The following CYP7B1 variants were observed in gnomAD, a reference collection of about 807,000 sequenced individuals.
The protein encoded by CYP7B1 is cytochrome P450 7B1.
Under a neutral mutation model 42.7 loss-of-function variants are expected in CYP7B1, and 29 were observed. The ratio of observed to expected loss-of-function variants is 0.68; its 90% CI spans 0.51 to 0.93. The LOEUF is 0.93. Among genes scored for constraint, CYP7B1 ranks in the 40% least tolerant of loss-of-function variants. The probability of loss-of-function intolerance (pLI) is 0.00; values close to 1 mark genes in which losing one functional copy is unlikely to be tolerated. For missense variants in CYP7B1, 655 were observed against 600.5 expected (o/e 1.09, Z -0.95); for synonymous variants, 235 against 218.2 (o/e 1.08, Z -0.68).
intron 1 of CYP7B1, among the ~76,000 whole-genome samples, chr8:64,712,660 A>G (rs1420296938): frequency 1.3e-5 from 2 of 151,382 alleles, no homozygotes; most frequent in Non-Finnish European, 2.9e-5. Context: ...ATATATATGT[A>G]TATATGCATA....
At chr8:64,629,002 C>T (rs559082634) in intron 1 of CYP7B1, among the ~76,000 whole-genome samples, 95 of 152,092 alleles carry the variant, frequency 6.2e-4, no homozygotes, top group Non-Finnish European at 1.1e-3. Context: ...CTGAGGTGGG[C>T]GGATCATGAC....
chr8:64,655,869 A>AGAGCT (rs1806112971), intron 1 of CYP7B1, among the ~76,000 whole-genome samples: 1 of 152,188 alleles, frequency 6.6e-6, no homozygotes, highest in African/African-American at 2.4e-5. Context: ...GGACATGGGT[A>AGAGCT]GAGCTGGAGG....
At position 64,616,285 on chromosome 8, in the gene CYP7B1, GAAA is replaced by G; in HGVS notation, c.260-7_260-5del. ...AGGATAAATGTTATGTACTTTCCTA[GAAA>G]AAAAAAAAGAGAGAGAAAATATGAG... is the stretch of plus-strand genomic sequence containing the variant. On this transcript the variant is annotated splice_region_variant and splice_polypyrimidine_tract_variant and intron_variant, in intron 2 of 5. Coordinates refer to ENST00000310193, the MANE Select transcript of CYP7B1 (RefSeq NM_004820.5). 5 of 1,193,304 alleles carry G rather than the reference GAAA, an allele frequency of 4.2e-6. No homozygotes were observed. Among genetic ancestry groups the G allele is most frequent in the Admixed American group, 4.7e-5 (2 of 42,334 alleles). The allele number at this position is 1,193,304 out of a possible 1,614,324, so 73.9% of individuals were successfully genotyped here. A position where few individuals can be genotyped will look rare whatever the true frequency, so the allele number is the denominator to read the frequency against.
rs1322742838 is a variant in CYP7B1 at position 64,700,784 on chromosome 8, C to T, written c.123-76245G>A. Among the ~76,000 whole-genome samples the T allele has an allele frequency of 3.3e-5, 5 of 152,104 alleles. No homozygotes were observed. The East Asian group carries it at 7.7e-4, about 23-fold the overall frequency. On this transcript the variant is annotated intron_variant, in intron 1 of 5. Transcript: ENST00000310193. ...ATGGTCTGACAAACATAAGCTAATA[C>T]ATAATCATACCAGAATGTGACTGGA...
chr8:64,683,007 C>A (rs572137605), intron 1 of CYP7B1, among the ~76,000 whole-genome samples: 2 of 152,182 alleles, frequency 1.3e-5, no homozygotes, highest in Non-Finnish European at 2.9e-5. Flanking sequence ...TCACAACCCA[C>A]GTATAACATC....
chr8:64,666,218 T>G (rs1321217078), intron 1 of CYP7B1, among the ~76,000 whole-genome samples: 5 of 152,158 alleles, frequency 3.3e-5, no homozygotes, highest in African/African-American at 1.2e-4. Context: ...AAATAACCCT[T>G]TAAATGTTAT....
At chr8:64,731,746 C>A (rs1807412768) in intron 1 of CYP7B1, among the ~76,000 whole-genome samples, 1 of 152,202 alleles carries the variant, frequency 6.6e-6, no homozygotes, top group Admixed American at 6.5e-5. Flanking sequence ...GTTTCATTCA[C>A]CATGTCTTTA....
At chr8:64,634,103 A>G (rs10105184) in intron 1 of CYP7B1, among the ~76,000 whole-genome samples, 75,809 of 152,098 alleles carry the variant, frequency 0.5, 20,256 homozygotes, top group Non-Finnish European at 0.58. Context: ...CATGACATAA[A>G]CATACTGCTT....
chr8:64,586,819 T>C (rs981945513), downstream of CYP7B1, among the ~76,000 whole-genome samples: 4 of 152,250 alleles, frequency 2.6e-5, no homozygotes, highest in African/African-American at 9.6e-5. Flanking sequence ...GCCCGGCTCC[T>C]GTGCTCTCTG....
intron 1 of CYP7B1, among the ~76,000 whole-genome samples, chr8:64,749,269 C>T (rs751210819): frequency 9.2e-5 from 14 of 151,764 alleles, no homozygotes; most frequent in Non-Finnish European, 5.9e-5. Context: ...TTAGTAGAGA[C>T]GGGGTTTCAC....
At chr8:64,721,703 T>A (rs778438689) in intron 1 of CYP7B1, among the ~76,000 whole-genome samples, 1 of 152,182 alleles carries the variant, frequency 6.6e-6, no homozygotes, top group Non-Finnish European at 1.5e-5. Context: ...AAAATAATAC[T>A]TTGTATAGAT....
At chr8:64,610,168 A>T (rs1444720543) in intron 4 of CYP7B1, among the ~76,000 whole-genome samples, 2 of 152,206 alleles carry the variant, frequency 1.3e-5, no homozygotes, top group Non-Finnish European at 2.9e-5. Context: ...ATCCTTTCAG[A>T]TTCTGTTTCC....
intron 1 of CYP7B1, among the ~76,000 whole-genome samples, chr8:64,674,087 T>C (rs1436815066): frequency 6.6e-6 from 1 of 152,064 alleles, no homozygotes; most frequent in Non-Finnish European, 1.5e-5. Context: ...AGCCAAGAAG[T>C]GAATGATCGA....
chr8:64,615,640 T>G (rs1297287208), intron 3 of CYP7B1, 51 bp downstream of exon 3: 2 of 1,547,872 alleles, frequency 1.3e-6, no homozygotes, highest in East Asian at 4.5e-5. Flanking sequence ...ATTTCAGAGG[T>G]CTATTGTAAA....
At chr8:64,745,712 T>C (rs1207419647) in intron 1 of CYP7B1, among the ~76,000 whole-genome samples, 1 of 152,170 alleles carries the variant, frequency 6.6e-6, no homozygotes, top group African/African-American at 2.4e-5. Flanking sequence ...TTGGCCAGCA[T>C]ACAGCTGCTC....
intron 1 of CYP7B1, among the ~76,000 whole-genome samples, chr8:64,755,640 G>A (rs896564027): frequency 7.2e-5 from 11 of 151,800 alleles, no homozygotes; most frequent in African/African-American, 1.7e-4. Context: ...GCTGGAGACC[G>A]GCAAATTTTT....
At chr8:64,700,357 CA>C (rs778886526) in intron 1 of CYP7B1, among the ~76,000 whole-genome samples, 7 of 152,058 alleles carry the variant, frequency 4.6e-5, no homozygotes, top group Non-Finnish European at 1.0e-4. Context: ...TCCAGTGGCA[CA>C]AAAGGTCCAT....
At chr8:64,588,136 G>A (rs749631879), downstream of CYP7B1, among the ~76,000 whole-genome samples, 1 of 152,136 alleles carries the variant, frequency 6.6e-6, no homozygotes, top group African/African-American at 2.4e-5. Context: ...TAAGAACTAT[G>A]ATCTGTGAAT....
chr8:64,748,153 A>C (rs1437949859), intron 1 of CYP7B1, among the ~76,000 whole-genome samples: 1 of 152,164 alleles, frequency 6.6e-6, no homozygotes, highest in Non-Finnish European at 1.5e-5. Flanking sequence ...AGATCAGTTC[A>C]TCCACTATTC....
Sources: allele counts gnomAD v4.1 joint callset (sites outside exome capture counted in the v4.1 genomes callset), GRCh38; gene constraint gnomAD v4.1.1; transcripts MANE v1.5; gene names NCBI Gene and HGNC (gene_info 2026-07-23, HGNC 2026-07-21).